ZMAT4: variants seen among roughly 807,000 people sequenced by gnomAD.
ZMAT4 encodes the protein zinc finger matrin-type 4, also known as zinc finger matrin-type protein 4.
ZMAT4 carries 17 observed loss-of-function variants against 28.7 expected under a neutral mutation model. The observed-to-expected ratio is 0.59, with a 90% confidence interval of 0.41 to 0.89. The LOEUF (loss-of-function observed/expected upper bound fraction) is 0.89. Ranked by LOEUF, ZMAT4 falls within the 40% of genes least tolerant of loss-of-function variation. The pLI is 0.00. For missense variants in ZMAT4, 240 were observed against 283.8 expected (o/e 0.85, Z 1.11); for synonymous variants, 117 against 109.2 (o/e 1.07, Z -0.44).
chr8:40,684,583 G>T (rs1001469924), intron 4 of ZMAT4, among the ~76,000 whole-genome samples: 1 of 152,200 alleles, frequency 6.6e-6, no homozygotes, highest in Non-Finnish European at 1.5e-5. Context: ...TCCATACCCC[G>T]TGCTCAGGGT....
intron 3 of ZMAT4, among the ~76,000 whole-genome samples, chr8:40,743,824 G>A (rs2150537276): frequency 6.6e-6 from 1 of 152,260 alleles, no homozygotes; most frequent in Middle Eastern, 3.4e-3. Flanking sequence ...ATGGGGACAG[G>A]GGCACGGAGA....
At chr8:40,541,881 A>G (rs1206006506) in intron 6 of ZMAT4, among the ~76,000 whole-genome samples, 3 of 152,208 alleles carry the variant, frequency 2.0e-5, no homozygotes, top group Non-Finnish European at 4.4e-5. Flanking sequence ...CTCCTGGGGT[A>G]CACATTCTGT....
chr8:40,636,541 G>T (rs1310691364), intron 5 of ZMAT4, among the ~76,000 whole-genome samples: 2 of 152,108 alleles, frequency 1.3e-5, no homozygotes, highest in African/African-American at 2.4e-5. Flanking sequence ...TATTCTTTCA[G>T]GAAAACAAAT....
intron 3 of ZMAT4, among the ~76,000 whole-genome samples, chr8:40,705,399 C>T (rs1272297635): frequency 6.6e-6 from 1 of 152,134 alleles, no homozygotes; most frequent in Non-Finnish European, 1.5e-5. Flanking sequence ...ACTTATTTCA[C>T]AGTCTAGAAT....
chr8:40,642,689 C>T (rs373174780), intron 5 of ZMAT4, among the ~76,000 whole-genome samples: 2 of 152,208 alleles, frequency 1.3e-5, no homozygotes, highest in African/African-American at 4.8e-5. Flanking sequence ...ATATTCTCTC[C>T]ATTTCTCCAT....
chr8:40,594,246 T>C (rs1049886935), intron 5 of ZMAT4, among the ~76,000 whole-genome samples: 3 of 152,224 alleles, frequency 2.0e-5, no homozygotes, highest in Middle Eastern at 3.2e-3. Context: ...TGGCCTTATC[T>C]ATTTATAGAA....
At chr8:40,615,379 T>C (rs1805963278) in intron 5 of ZMAT4, among the ~76,000 whole-genome samples, 1 of 152,188 alleles carries the variant, frequency 6.6e-6, no homozygotes. Context: ...CATTTCAACT[T>C]TGGTGAATCT....
chr8:40,604,825 G>A (rs1047409706), intron 5 of ZMAT4, among the ~76,000 whole-genome samples: 3 of 152,156 alleles, frequency 2.0e-5, no homozygotes, highest in Non-Finnish European at 2.9e-5. Flanking sequence ...ATGTCTAATA[G>A]AATTCAGCTG....
chr8:40,861,528 T>C lies in ZMAT4; in HGVS notation c.-4-35848A>G, dbSNP rs570720045. ...CATAGGCATGGGCAAGGACTTCGTG[T>C]CTAAAACACCAAAAGCAATGGCAAC... is the stretch of plus-strand genomic sequence containing the variant. On this transcript the variant is annotated intron_variant, in intron 1 of 6. Coordinates refer to ENST00000297737, the MANE Select transcript of ZMAT4 (RefSeq NM_024645.3). Among the ~76,000 whole-genome samples, 528 of 152,256 alleles carry C rather than the reference T, an allele frequency of 3.5e-3. 4 individuals carry two copies. Among genetic ancestry groups the C allele is most frequent in the African/African-American group, 0.012 (508 of 41,544 alleles).
At chr8:40,848,648 A>G (rs73675735) in intron 1 of ZMAT4, among the ~76,000 whole-genome samples, 7,149 of 152,250 alleles carry the variant, frequency 0.047, 531 homozygotes, top group African/African-American at 0.15. Flanking sequence ...AACAGGGATA[A>G]TAATAACCAC....
chr8:40,648,193 G>T (rs1041183038), intron 5 of ZMAT4, among the ~76,000 whole-genome samples: 1 of 152,088 alleles, frequency 6.6e-6, no homozygotes, highest in Non-Finnish European at 1.5e-5. Flanking sequence ...TTAGAAGAAC[G>T]TATAACTAGA....
At chr8:40,690,343 G>A (rs1411791345) in intron 4 of ZMAT4, among the ~76,000 whole-genome samples, 3 of 152,232 alleles carry the variant, frequency 2.0e-5, no homozygotes, top group East Asian at 1.9e-4. Flanking sequence ...CTAAAATAAC[G>A]ATCACTAAGC....
In ZMAT4 at chr8:40,531,864, A is replaced by G. The variant is rs1802703971; in HGVS notation, c.*359T>C. 1 of 181,620 alleles carries G rather than the reference A, an allele frequency of 5.5e-6. No individual in the cohort carries two copies. Among genetic ancestry groups the G allele is most frequent in the Admixed American group, 6.2e-5 (1 of 16,168 alleles). 11.3% of individuals were successfully genotyped at this position (181,620 alleles called of 1,614,324 possible). On this transcript the variant is annotated 3_prime_UTR_variant, in exon 7 of 7. Coordinates refer to ENST00000297737, the MANE Select transcript of ZMAT4 (RefSeq NM_024645.3). ...CACTCATTGAGGATTTAACAGAATA[A>G]TTATGCTCTGAGGAAATCTAGAATA...
At chr8:40,532,705 A>G (rs1802728586) in intron 6 of ZMAT4, among the ~76,000 whole-genome samples, 1 of 151,968 alleles carries the variant, frequency 6.6e-6, no homozygotes, top group African/African-American at 2.4e-5. Flanking sequence ...AGAAAAAAAA[A>G]ATTGTTTCTG....
chr8:40,544,206 T>C (rs775928840), intron 6 of ZMAT4, among the ~76,000 whole-genome samples: 2 of 152,204 alleles, frequency 1.3e-5, no homozygotes, highest in East Asian at 1.9e-4. Flanking sequence ...GTGCTGCTTA[T>C]AGTAAACTGT....
chr8:40,624,391 T>C (rs926518020), intron 5 of ZMAT4, among the ~76,000 whole-genome samples: 2 of 152,206 alleles, frequency 1.3e-5, no homozygotes, highest in Non-Finnish European at 2.9e-5. Context: ...ATCTTTGGAA[T>C]TCCAGCCTCC....
intron 5 of ZMAT4, among the ~76,000 whole-genome samples, chr8:40,649,578 A>C (rs1807532135): frequency 6.6e-6 from 1 of 152,174 alleles, no homozygotes; most frequent in African/African-American, 2.4e-5. Context: ...AGCAGACCTA[A>C]TAGACATCTA....
At chr8:40,867,098 G>A (rs531994942) in intron 1 of ZMAT4, among the ~76,000 whole-genome samples, 74 of 152,068 alleles carry the variant, frequency 4.9e-4, no homozygotes, top group Non-Finnish European at 4.7e-4. Flanking sequence ...GCCTCTAGCC[G>A]ATGTTATTGC....
At chr8:40,535,238 C>G (rs1802810077) in intron 6 of ZMAT4, among the ~76,000 whole-genome samples, 1 of 152,182 alleles carries the variant, frequency 6.6e-6, no homozygotes, top group Non-Finnish European at 1.5e-5. Flanking sequence ...TCTGTAGGAA[C>G]AGCCATGTCC....
Sources: allele counts gnomAD v4.1 joint callset (sites outside exome capture counted in the v4.1 genomes callset), GRCh38; gene constraint gnomAD v4.1.1; transcripts MANE v1.5; gene names NCBI Gene and HGNC (gene_info 2026-07-23, HGNC 2026-07-21).